Variants in LRCH1 observed in about 807,000 individuals in gnomAD.
LRCH1 encodes the protein leucine rich repeats and calponin homology domain containing 1, also known as leucine-rich repeat and calponin homology domain-containing protein 1.
LRCH1 carries 23 observed loss-of-function variants against 94.9 expected under a neutral mutation model. The ratio of observed to expected loss-of-function variants is 0.24; its 90% CI spans 0.17 to 0.34. LRCH1 has a LOEUF of 0.34. Ranked by LOEUF, LRCH1 falls within the 10% of genes least tolerant of loss-of-function variation. LRCH1 has a pLI of 1.00. For missense variants in LRCH1, 790 were observed against 945.9 expected (o/e 0.84, Z 2.16); for synonymous variants, 364 against 354.9 (o/e 1.03, Z -0.29).
chr13:46,571,414 C>T (rs754271545), intron 1 of LRCH1, among the ~76,000 whole-genome samples: 25 of 152,176 alleles, frequency 1.6e-4, no homozygotes, highest in Non-Finnish European at 2.6e-4. Flanking sequence ...CAAGTGGCGA[C>T]GAGTACCAAC....
At chr13:46,629,170 G>A (rs1311577139) in intron 1 of LRCH1, among the ~76,000 whole-genome samples, 1 of 152,154 alleles carries the variant, frequency 6.6e-6, no homozygotes, top group African/African-American at 2.4e-5. Flanking sequence ...CTGCCTAGGG[G>A]CAAAATCAGT....
At chr13:46,635,253 A>G (rs559723668) in intron 1 of LRCH1, among the ~76,000 whole-genome samples, 7 of 152,280 alleles carry the variant, frequency 4.6e-5, no homozygotes, top group African/African-American at 1.7e-4. Context: ...TCACTGCTTC[A>G]TACTTTCTCC....
chr13:46,594,226 CCTCTT>C (rs1467856442), intron 1 of LRCH1, among the ~76,000 whole-genome samples: 3 of 150,222 alleles, frequency 2.0e-5, no homozygotes, highest in African/African-American at 7.4e-5. Context: ...TGCCTGGACT[CCTCTT>C]TTAATCTCAG....
At chr13:46,614,323 C>G (rs2050781567) in intron 1 of LRCH1, among the ~76,000 whole-genome samples, 1 of 152,130 alleles carries the variant, frequency 6.6e-6, no homozygotes, top group Admixed American at 6.5e-5. Flanking sequence ...TTAGCCATCA[C>G]TGAATTCTGG....
intron 1 of LRCH1, among the ~76,000 whole-genome samples, chr13:46,644,101 G>C (rs866388682): frequency 2.0e-5 from 3 of 152,240 alleles, no homozygotes; most frequent in South Asian, 2.1e-4. Context: ...TTTATCCATC[G>C]TTAGCGTTGG....
rs374670366 is a variant in LRCH1 at position 46,553,609 on chromosome 13, C to T, written c.213C>T (p.Ala71=). The part of the protein sequence containing the change: ...RGLERALEEA[A]NSGGLNLSAR... ...TGGAGCGCGCGCTTGAGGAGGCGGC[C>T]AACTCCGGGGGGCTGAACCTGAGCG... is the stretch of plus-strand genomic sequence containing the variant. The change falls in exon 1 of 20, where the codon GCC becomes GCT. Residue 71 remains alanine (A), a synonymous_variant. Transcript: ENST00000389797. The T allele has an allele frequency of 7.6e-6, 12 of 1,569,178 alleles. No individual in the cohort carries two copies. The African/African-American group carries it at 1.6e-4, about 21-fold the overall frequency.
In LRCH1 at chr13:46,553,235, C is replaced by CCCCCCCCCCAAAA; in HGVS notation, c.-162_-161insCCCCCCCCCAAAA. The CCCCCCCCCCAAAA allele has an allele frequency of 9.9e-6, 5 of 504,902 alleles. No individual in the cohort carries two copies. Among genetic ancestry groups the CCCCCCCCCCAAAA allele is most frequent in the African/African-American group, 2.1e-5 (1 of 48,734 alleles). The allele number at this position is 504,902 out of a possible 1,614,324, so 31.3% of individuals were successfully genotyped here. On this transcript the variant is annotated 5_prime_UTR_variant, in exon 1 of 20. Transcript: ENST00000389797. ...GAGCTGCCACGGCCGCCTCCCCGCC[C>CCCCCCCCCCAAAA]GCCCCCCATTCTACGCGCCTGCCCA...
At chr13:46,583,798 TC>T in intron 1 of LRCH1, among the ~76,000 whole-genome samples, 1 of 151,716 alleles carries the variant, frequency 6.6e-6, no homozygotes, top group South Asian at 2.1e-4. Context: ...TGTCACTGTG[TC>T]CCCCAGGCTG....
rs567183101 is a variant in LRCH1, at chr13:46,574,393, C to T, written c.307+20690C>T. ...AAAAATACAAAACAAGTGGTGTTGCCTGCATTTTAGAGCTTCCAGCTAGTC... is the reference window on the plus strand; with the variant it reads ...AAAAATACAAAACAAGTGGTGTTGCTTGCATTTTAGAGCTTCCAGCTAGTC... On this transcript the variant is annotated intron_variant, in intron 1 of 19. Transcript: ENST00000389797. Among the ~76,000 whole-genome samples the T allele has an allele frequency of 3.3e-4, 50 of 152,076 alleles. No individual in the cohort carries two copies. In the South Asian group the frequency reaches 0.01, roughly 31 times the overall value.
chr13:46,635,364 T>G (rs2051071428), intron 1 of LRCH1, among the ~76,000 whole-genome samples: 1 of 152,028 alleles, frequency 6.6e-6, no homozygotes, highest in African/African-American at 2.4e-5. Flanking sequence ...CCACATCTTC[T>G]CAGTTGTCTG....
intron 3 of LRCH1, among the ~76,000 whole-genome samples, chr13:46,669,900 G>C (rs2051574906): frequency 6.6e-6 from 1 of 152,244 alleles, no homozygotes; most frequent in Admixed American, 6.5e-5. Context: ...TCTTGTGTCA[G>C]GCACAGGGCT....
Position 46,686,051 on chromosome 13 carries a change from C to G in LRCH1, c.822+10C>G, listed in dbSNP as rs1239306409. ...GTCTCCTCCAGCACAGGTGAGGGGT[C>G]TTGCAGCAAAGCCAATGCCCCATGG... On this transcript the variant is annotated intron_variant, in intron 5 of 19. Transcript: ENST00000389797. The G allele has an allele frequency of 9.1e-6, 14 of 1,541,480 alleles. No individual in the cohort carries two copies. Among genetic ancestry groups the G allele is most frequent in the Non-Finnish European group, 1.2e-5 (14 of 1,148,010 alleles).
intron 1 of LRCH1, among the ~76,000 whole-genome samples, chr13:46,626,939 G>C (rs2050957733): frequency 6.6e-6 from 1 of 152,158 alleles, no homozygotes; most frequent in South Asian, 2.1e-4. Flanking sequence ...ACCAGGTAGT[G>C]TTAATTTCCT....
chr13:46,585,707 G>A (rs1180436458), intron 1 of LRCH1, among the ~76,000 whole-genome samples: 2 of 152,002 alleles, frequency 1.3e-5, no homozygotes, highest in African/African-American at 2.4e-5. Context: ...TACATCTCTC[G>A]ATCTTTTTGG....
At chr13:46,692,818 C>G (rs1870971592) in intron 8 of LRCH1, among the ~76,000 whole-genome samples, 177 bp downstream of exon 8, 1 of 152,182 alleles carries the variant, frequency 6.6e-6, no homozygotes, top group African/African-American at 2.4e-5. Flanking sequence ...AAGATGGATA[C>G]TCTAATCATC....
chr13:46,745,268 C>T (rs551402898), downstream of LRCH1, among the ~76,000 whole-genome samples: 15 of 151,246 alleles, frequency 9.9e-5, no homozygotes, highest in South Asian at 1.9e-3. Context: ...AAACTGGCTG[C>T]GGGCTGGATT....
intron 1 of LRCH1, among the ~76,000 whole-genome samples, chr13:46,647,390 C>A (rs2051236064): frequency 6.6e-6 from 1 of 151,880 alleles, no homozygotes; most frequent in African/African-American, 2.4e-5. Flanking sequence ...TCCTTTTTTT[C>A]ATATGATTAA....
chr13:46,623,518 T>TG (rs1402845372), intron 1 of LRCH1, among the ~76,000 whole-genome samples: 1 of 152,040 alleles, frequency 6.6e-6, no homozygotes, highest in Admixed American at 6.6e-5. Flanking sequence ...TACTCATCCT[T>TG]GGAGGGTCGC....
At chr13:46,599,187 A>G (rs2137978326) in intron 1 of LRCH1, among the ~76,000 whole-genome samples, 1 of 152,304 alleles carries the variant, frequency 6.6e-6, no homozygotes, top group South Asian at 2.1e-4. Context: ...TTCCTTCTTA[A>G]GGCTGATTAA....
Sources: gnomAD v4.1 joint callset for allele counts (sites outside exome capture counted in the v4.1 genomes callset) on GRCh38, gnomAD v4.1.1 for gene constraint, MANE v1.5 for transcripts, NCBI Gene and HGNC (gene_info 2026-07-23, HGNC 2026-07-21) for gene names.